The following SLC2A13 variants were observed in gnomAD, a reference collection of about 807,000 sequenced individuals.
SLC2A13 encodes solute carrier family 2 member 13.
Under a neutral mutation model 64.4 loss-of-function variants are expected in SLC2A13, and 32 were observed. That is an observed-to-expected ratio of 0.50 (90% CI 0.37 to 0.67). The LOEUF (loss-of-function observed/expected upper bound fraction) is 0.67. Among genes scored for constraint, SLC2A13 ranks in the 30% least tolerant of loss-of-function variants. The pLI is 0.00. For missense variants in SLC2A13, 743 were observed against 829.2 expected, an observed-to-expected ratio of 0.90 and a Z score of 1.28; for synonymous variants, 338 against 327.1, an observed-to-expected ratio of 1.03 and a Z score of -0.36.
chr12:39,915,823 T>G (rs187631042), intron 4 of SLC2A13, among the ~76,000 whole-genome samples: 1 of 151,894 alleles, frequency 6.6e-6, no homozygotes, highest in Non-Finnish European at 1.5e-5. Flanking sequence ...ATAAAAAAAT[T>G]TGGAAACTAA....
intron 4 of SLC2A13, among the ~76,000 whole-genome samples, chr12:39,923,904 T>C (rs1272418139): frequency 6.6e-6 from 1 of 152,016 alleles, no homozygotes; most frequent in African/African-American, 2.4e-5. Context: ...CATATGAATA[T>C]TATACAAATA....
At chr12:40,090,504 G>C (rs915118960) in intron 1 of SLC2A13, among the ~76,000 whole-genome samples, 21 of 152,162 alleles carry the variant, frequency 1.4e-4, no homozygotes, top group African/African-American at 4.8e-4. Flanking sequence ...CAAATAAAAG[G>C]TAACTATTAA....
intron 6 of SLC2A13, among the ~76,000 whole-genome samples, chr12:39,832,913 A>G (rs984299065): frequency 6.6e-6 from 1 of 152,138 alleles, no homozygotes; most frequent in Non-Finnish European, 1.5e-5. Flanking sequence ...TATAGAGCAG[A>G]TGAGTAGCTC....
intron 7 of SLC2A13, among the ~76,000 whole-genome samples, chr12:39,803,569 T>C (rs908278742): frequency 6.6e-6 from 1 of 151,922 alleles, no homozygotes; most frequent in African/African-American, 2.4e-5. Flanking sequence ...TACACACACA[T>C]ACACACACAT....
At chr12:39,792,949 T>G (rs1334169141) in intron 7 of SLC2A13, among the ~76,000 whole-genome samples, 1 of 152,174 alleles carries the variant, frequency 6.6e-6, no homozygotes, top group African/African-American at 2.4e-5. Context: ...GTTATGAACT[T>G]TAAGTAGGCA....
Position 40,105,238 on chromosome 12 carries a change from G to C in SLC2A13, c.556+15C>G. 3 of 1,556,612 alleles carry C rather than the reference G, an allele frequency of 1.9e-6. No homozygotes were observed. The Middle Eastern group carries it at 5.6e-4, about 290-fold the overall frequency. On this transcript the variant is annotated intron_variant, in intron 1 of 9. Coordinates refer to ENST00000280871, the MANE Select transcript of SLC2A13 (RefSeq NM_052885.4). The surrounding 1 kb of genome is among the most constrained non-coding windows in gnomAD (Gnocchi z 4.2). ...CAATGGGATCCCGGGCGCCCTTCAC[G>C]GAGCCCGAACTCACCGATGCCGAGT...
At chr12:39,901,653 C>T (rs1227018439) in intron 4 of SLC2A13, among the ~76,000 whole-genome samples, 1 of 127,916 alleles carries the variant, frequency 7.8e-6, no homozygotes, top group African/African-American at 3.0e-5. Flanking sequence ...TACCATCTCA[C>T]ACCAGTTAGA....
At chr12:39,999,924 G>A (rs1338481236) in intron 3 of SLC2A13, among the ~76,000 whole-genome samples, 1 of 152,160 alleles carries the variant, frequency 6.6e-6, no homozygotes, top group Non-Finnish European at 1.5e-5. Flanking sequence ...ACCAATATGT[G>A]ATGTCACCCC....
intron 6 of SLC2A13, among the ~76,000 whole-genome samples, chr12:39,851,879 T>C (rs555982696): frequency 3.7e-4 from 56 of 152,234 alleles, no homozygotes; most frequent in Non-Finnish European, 1.3e-4. Context: ...TTATTTTCCC[T>C]TGTGCTAAAA....
chr12:39,909,743 G>A (rs143538063), intron 4 of SLC2A13, among the ~76,000 whole-genome samples: 1 of 152,146 alleles, frequency 6.6e-6, no homozygotes, highest in African/African-American at 2.4e-5. Flanking sequence ...TTGTTTAAAT[G>A]GTGCTAGTGA....
intron 7 of SLC2A13, among the ~76,000 whole-genome samples, chr12:39,805,025 A>G (rs61931233): frequency 1.4e-4 from 20 of 147,654 alleles, no homozygotes; most frequent in Admixed American, 6.7e-4. Context: ...CCTGCTGGAG[A>G]GAGAAGCCTG....
chr12:40,105,496 C>T lies in SLC2A13; in HGVS notation c.313G>A (p.Ala105Thr). 6.3e-7 allele frequency: 1 copy of T among 1,576,190 alleles called. No individual in the cohort carries two copies. The highest frequency in any genetic ancestry group is 8.6e-7 in the Non-Finnish European group (1 of 1,162,518). ...AGCTGCCGCTTGAGCAGCAGCATGG[C>T]CCCTGACACCACCCCGGTGTCATAG... ...FGYDTGVVSG[A>T]MLLLKRQLSL... The change falls in exon 1 of 10, where the codon GCC (alanine) becomes ACC (threonine). Residue 105 changes from alanine to threonine, a missense_variant. By Grantham distance (58) the Ala-to-Thr change is moderately conservative (BLOSUM62 0). This residue lies in a region of SLC2A13 where 448 missense variants were observed against 447.4 expected (regional missense o/e 1.00). Coordinates refer to ENST00000280871, the MANE Select transcript of SLC2A13 (RefSeq NM_052885.4). The surrounding 1 kb of genome is among the most constrained non-coding windows in gnomAD (Gnocchi z 4.2).
At chr12:40,031,813 C>T (rs1263100977) in intron 2 of SLC2A13, among the ~76,000 whole-genome samples, 1 of 152,044 alleles carries the variant, frequency 6.6e-6, no homozygotes, top group African/African-American at 2.4e-5. Context: ...TGCTGTGGTA[C>T]TAATAAAAAT....
chr12:39,818,912 C>T (rs889952595), intron 7 of SLC2A13, among the ~76,000 whole-genome samples: 3 of 152,136 alleles, frequency 2.0e-5, no homozygotes, highest in South Asian at 4.1e-4. Flanking sequence ...AGCAGAATTC[C>T]GATTGCCTGT....
intron 9 of SLC2A13, among the ~76,000 whole-genome samples, chr12:39,762,613 T>C (rs1265120008): frequency 6.6e-6 from 1 of 151,844 alleles, no homozygotes; most frequent in Non-Finnish European, 1.5e-5. Context: ...TATGAAACAA[T>C]AAAAAAGGAG....
rs34482120 is a variant in SLC2A13 at position 40,004,612 on chromosome 12, AT to A, written c.925+23688del. Among the ~76,000 whole-genome samples the A allele has an allele frequency of 3.9e-3, 559 of 144,886 alleles. 8 individuals carry two copies. The highest frequency in any genetic ancestry group is 0.031 in the East Asian group (155 of 5,000). On this transcript the variant is annotated intron_variant, in intron 3 of 9. Transcript: ENST00000280871. ...AGACTGGGCAATGAGTAAAGGACAGATTTTTTTTTTTTTTTCACAGTTCTAG... is the reference window on the plus strand; with the variant it reads ...AGACTGGGCAATGAGTAAAGGACAGATTTTTTTTTTTTTTCACAGTTCTAG...
chr12:40,014,721 CA>C (rs1947593078), intron 3 of SLC2A13, among the ~76,000 whole-genome samples: 1 of 152,080 alleles, frequency 6.6e-6, no homozygotes, highest in South Asian at 2.1e-4. Flanking sequence ...CTTAAACTCC[CA>C]AGCTCAGTGA....
At chr12:39,935,923 A>G (rs1945909805) in intron 4 of SLC2A13, among the ~76,000 whole-genome samples, 1 of 152,128 alleles carries the variant, frequency 6.6e-6, no homozygotes, top group East Asian at 1.9e-4. Context: ...CAGATCACTG[A>G]TGCCCTGAGA....
intron 4 of SLC2A13, among the ~76,000 whole-genome samples, chr12:39,880,248 A>G (rs1944305833): frequency 6.6e-6 from 1 of 152,226 alleles, no homozygotes; most frequent in South Asian, 2.1e-4. Flanking sequence ...ATTTATTTGT[A>G]GCAATGCAAG....
Sources: gnomAD v4.1 joint callset for allele counts (sites outside exome capture counted in the v4.1 genomes callset) on GRCh38, gnomAD v4.1.1 for gene constraint, gnomAD v4.1.1 regional missense constraint, Gnocchi (gnomAD v3.1) non-coding constraint, MANE v1.5 for transcripts, NCBI Gene and HGNC (gene_info 2026-07-23, HGNC 2026-07-21) for gene names.